Variants in KHDRBS2 observed in about 807,000 individuals in gnomAD.
The protein encoded by KHDRBS2 is KH domain-containing, RNA-binding, signal transduction-associated protein 2.
A neutral mutation model predicts 44.3 loss-of-function variants in KHDRBS2; 26 were observed. The observed-to-expected ratio is 0.59, with a 90% CI of 0.43 to 0.81. The LOEUF is 0.81. Among genes scored for constraint, KHDRBS2 ranks in the 40% least tolerant of loss-of-function variants. The pLI is 0.00. For synonymous variants in KHDRBS2, 194 were observed against 151.1 expected (o/e 1.28, Z -2.08); for missense variants, 476 against 433.1 (o/e 1.10, Z -0.88).
the KHDRBS2 span, among the ~76,000 whole-genome samples, chr6:61,641,015 C>T: frequency 2.6e-5 from 4 of 152,208 alleles, no homozygotes; most frequent in East Asian, 7.7e-4. Context: ...AAACCACCCC[C>T]ACAAAAGCAT....
chr6:62,019,338 T>C (rs1015329254), intron 3 of KHDRBS2, among the ~76,000 whole-genome samples: 7 of 152,276 alleles, frequency 4.6e-5, no homozygotes, highest in African/African-American at 7.2e-5. Flanking sequence ...AAATGGTTTT[T>C]GGATTTTACC....
Position 62,119,035 on chromosome 6 carries a change from T to C in KHDRBS2, c.219+58150A>G, listed in dbSNP as rs146837763. ...GTTTTGTACCTCTAGAGAATCCTAA[T>C]ACAGATTTTGGTACCAGAAGTGGTT... On this transcript the variant is annotated intron_variant, in intron 2 of 8. Coordinates refer to ENST00000281156, the MANE Select transcript of KHDRBS2 (RefSeq NM_152688.4). Among the ~76,000 whole-genome samples, 296 of 152,294 alleles carry C rather than the reference T, an allele frequency of 1.9e-3. 3 individuals carry two copies. The highest frequency in any genetic ancestry group is 6.9e-3 in the African/African-American group (286 of 41,560).
the KHDRBS2 span, among the ~76,000 whole-genome samples, chr6:61,575,841 A>G: frequency 6.6e-6 from 1 of 152,174 alleles, no homozygotes; most frequent in African/African-American, 2.4e-5. Flanking sequence ...TTCTAAATGA[A>G]GTAACTCAGG....
At chr6:61,740,780 C>T (rs966184861) in intron 6 of KHDRBS2, among the ~76,000 whole-genome samples, 4 of 151,832 alleles carry the variant, frequency 2.6e-5, no homozygotes, top group African/African-American at 9.7e-5. Flanking sequence ...GTTTTCTTGT[C>T]AGGTCATTAG....
chr6:61,802,688 TA>T (rs1786471861), intron 6 of KHDRBS2, among the ~76,000 whole-genome samples: 1 of 152,118 alleles, frequency 6.6e-6, no homozygotes, highest in Admixed American at 6.6e-5. Context: ...AGGGTTAAGG[TA>T]GGGAGTTACA....
intron 2 of KHDRBS2, among the ~76,000 whole-genome samples, chr6:62,108,657 T>C (rs985199446): frequency 5.9e-5 from 9 of 152,202 alleles, no homozygotes; most frequent in African/African-American, 9.6e-5. Context: ...CGTATGTTCA[T>C]TGCGGCACTA....
At chr6:61,956,212 A>G (rs571382513) in intron 4 of KHDRBS2, among the ~76,000 whole-genome samples, 1 of 152,158 alleles carries the variant, frequency 6.6e-6, no homozygotes, top group East Asian at 1.9e-4. Context: ...CAAAAACAAA[A>G]AAACAGACAC....
intron 6 of KHDRBS2, among the ~76,000 whole-genome samples, chr6:61,880,032 T>C (rs866332265): frequency 1.3e-4 from 20 of 151,868 alleles, no homozygotes; most frequent in African/African-American, 4.8e-4. Flanking sequence ...AATCAAAATA[T>C]AATTTTTAGA....
intron 2 of KHDRBS2, among the ~76,000 whole-genome samples, chr6:62,170,815 C>T (rs1275234445): frequency 2.0e-5 from 3 of 152,066 alleles, no homozygotes; most frequent in African/African-American, 7.2e-5. Context: ...GGTACCAGCC[C>T]ACTCAAGGTA....
intron 3 of KHDRBS2, among the ~76,000 whole-genome samples, chr6:61,987,957 T>A (rs1775376383): frequency 6.6e-6 from 1 of 151,692 alleles, no homozygotes; most frequent in Non-Finnish European, 1.5e-5. Context: ...CTCACTAGAT[T>A]CATGAAGGGC....
chr6:62,259,156 A>T (rs1286887278), intron 1 of KHDRBS2, among the ~76,000 whole-genome samples: 2 of 152,042 alleles, frequency 1.3e-5, no homozygotes, highest in Non-Finnish European at 2.9e-5. Flanking sequence ...TATTTTTCTG[A>T]TTCTAAATGA....
the KHDRBS2 span, among the ~76,000 whole-genome samples, chr6:61,589,248 A>C: frequency 6.6e-6 from 1 of 152,176 alleles, no homozygotes; most frequent in Non-Finnish European, 1.5e-5. Flanking sequence ...AAATAAAATA[A>C]AATAAAATAG....
intron 3 of KHDRBS2, among the ~76,000 whole-genome samples, chr6:62,009,611 G>A (rs541947001): frequency 5.5e-4 from 84 of 152,248 alleles, no homozygotes; most frequent in African/African-American, 1.9e-3. Context: ...GAGGAAAAGT[G>A]GTTTTGTGGG....
At chr6:61,889,484 T>C (rs180768646) in intron 6 of KHDRBS2, among the ~76,000 whole-genome samples, 106 of 152,180 alleles carry the variant, frequency 7.0e-4, no homozygotes, top group Admixed American at 2.6e-3. Context: ...CACATTCCTT[T>C]ACTCCTCTCT....
intron 6 of KHDRBS2, among the ~76,000 whole-genome samples, chr6:61,860,338 A>C (rs562615141): frequency 6.6e-6 from 1 of 151,844 alleles, no homozygotes; most frequent in African/African-American, 2.4e-5. Context: ...CCTAGTATTC[A>C]TTAGTTATTT....
At position 61,719,619 on chromosome 6, in the gene KHDRBS2, T is replaced by C. The variant is rs540414319; in HGVS notation, c.893+13063A>G. On this transcript the variant is annotated intron_variant, in intron 7 of 8. Transcript: ENST00000281156. ...CTAGCCCTGCAATTTGAAGCTTGCA[T>C]AATCAACTCATCAATTTATTTCTTT... is the stretch of plus-strand genomic sequence containing the variant. Among the ~76,000 whole-genome samples the C allele has an allele frequency of 1.6e-4, 24 of 152,214 alleles. 1 individual carries two copies. Among genetic ancestry groups the C allele is most frequent in the African/African-American group, 5.5e-4 (23 of 41,560 alleles).
intron 1 of KHDRBS2, among the ~76,000 whole-genome samples, chr6:62,194,457 CTTTCTTTTCT>C (rs139534888): frequency 7.8e-6 from 1 of 127,746 alleles, no homozygotes; most frequent in African/African-American, 3.0e-5. Context: ...CCACACTACA[CTTTCTTTTCT>C]TTTCTTTTCT....
intron 2 of KHDRBS2, among the ~76,000 whole-genome samples, chr6:62,105,613 T>C (rs1167874821): frequency 7.2e-5 from 11 of 152,100 alleles, no homozygotes; most frequent in African/African-American, 2.2e-4. Context: ...TCTGTGGGAT[T>C]GGTGGTGATA....
At chr6:61,585,891 A>G in the KHDRBS2 span, among the ~76,000 whole-genome samples, 1 of 152,056 alleles carries the variant, frequency 6.6e-6, no homozygotes, top group Admixed American at 6.6e-5. Context: ...ATTAGACTGA[A>G]CCCCAGATCT....
Sources: gnomAD v4.1 joint callset for allele counts (sites outside exome capture counted in the v4.1 genomes callset) on GRCh38, gnomAD v4.1.1 for gene constraint, MANE v1.5 for transcripts, NCBI Gene and HGNC (gene_info 2026-07-23, HGNC 2026-07-21) for gene names.